Variants in NAV2 observed in about 807,000 individuals in gnomAD.
NAV2 encodes neuron navigator 2.
Under a neutral mutation model 223.2 loss-of-function variants are expected in NAV2, and 54 were observed. The ratio of observed to expected loss-of-function variants is 0.24; its 90% CI spans 0.19 to 0.30. The LOEUF is 0.30. Ranked by LOEUF, NAV2 falls within the 10% of genes least tolerant of loss-of-function variation. The probability of loss-of-function intolerance (pLI) is 1.00; values close to 1 mark genes in which losing one functional copy is unlikely to be tolerated. For missense variants in NAV2, 2,806 were observed against 3,147.5 expected, an observed-to-expected ratio of 0.89 and a Z score of 2.60; for synonymous variants, 1,279 against 1,239.3, an observed-to-expected ratio of 1.03 and a Z score of -0.67.
chr11:19,744,201 CT>C (rs2053131124), intron 1 of NAV2, among the ~76,000 whole-genome samples: 2 of 152,154 alleles, frequency 1.3e-5, no homozygotes, highest in Admixed American at 6.5e-5. Context: ...TAGGGCTTGC[CT>C]TTGTGTAGTT....
intron 1 of NAV2, among the ~76,000 whole-genome samples, chr11:19,749,990 T>C (rs1256013312): frequency 6.6e-6 from 1 of 152,214 alleles, no homozygotes. Context: ...AAAATTATAC[T>C]CTGATGTACT....
intron 6 of NAV2, among the ~76,000 whole-genome samples, chr11:19,917,860 G>A (rs920089343): frequency 6.6e-6 from 1 of 152,180 alleles, no homozygotes; most frequent in African/African-American, 2.4e-5. Context: ...CAGGTGATCC[G>A]CCTACCTTGG....
chr11:19,719,446 TA>T, intron 1 of NAV2, among the ~76,000 whole-genome samples: 1 of 152,210 alleles, frequency 6.6e-6, no homozygotes. Context: ...AGAACATCCC[TA>T]AACTTCAGTT....
rs1403049327 is a variant in NAV2, at chr11:19,702,795, A to G, written c.76-129689A>G. ...CCTGTCTCAAAATAATAATAATAAT[A>G]ATAATAATAGTAATAATAATAATAA... On this transcript the variant is annotated intron_variant, in intron 1 of 37. Transcript: ENST00000360655. Among the ~76,000 whole-genome samples, 14 of 57,330 alleles carry G rather than the reference A, an allele frequency of 2.4e-4. No individual in the cohort carries two copies. The East Asian group carries it at 5.6e-3, about 23-fold the overall frequency. The allele number at this position is 57,330 out of a possible 152,430, so 37.6% of individuals were successfully genotyped here. A position where few individuals can be genotyped will look rare whatever the true frequency, so the allele number is the denominator to read the frequency against.
rs150979061 is a variant in NAV2, at chr11:19,466,580, C to T, written c.75+115553C>T. On this transcript the variant is annotated intron_variant, in intron 1 of 37. Coordinates refer to the NAV2 transcript ENST00000360655. ...TAGAAAATTGTCCATTCACTGAGAC[C>T]GCTCTTCGACTCTTGAATGCACTGA... Among the ~76,000 whole-genome samples the T allele has an allele frequency of 1.4e-4, 22 of 152,298 alleles. No individual in the cohort carries two copies. The East Asian group carries it at 2.9e-3, about 20-fold the overall frequency.
intron 11 of NAV2, among the ~76,000 whole-genome samples, chr11:20,030,128 G>C (rs1013465468): frequency 6.6e-6 from 1 of 152,188 alleles, no homozygotes; most frequent in African/African-American, 2.4e-5. Context: ...TATTTCCCAA[G>C]GTTGTCAAAC....
At chr11:19,657,963 A>C (rs944219935) in intron 1 of NAV2, among the ~76,000 whole-genome samples, 4 of 152,178 alleles carry the variant, frequency 2.6e-5, no homozygotes, top group African/African-American at 9.7e-5. Context: ...TATTATTAAC[A>C]ATAATAATAG....
chr11:19,756,334 A>G (rs1467593361), intron 1 of NAV2, among the ~76,000 whole-genome samples: 1 of 152,252 alleles, frequency 6.6e-6, no homozygotes, highest in African/African-American at 2.4e-5. Flanking sequence ...TGTAAAGATC[A>G]TAGTTTCAAA....
chr11:19,558,371 A>G (rs2134735582), intron 1 of NAV2, among the ~76,000 whole-genome samples: 1 of 152,344 alleles, frequency 6.6e-6, no homozygotes, highest in Admixed American at 6.5e-5. Flanking sequence ...CCTCAGCTAA[A>G]GGCTGGCAGG....
chr11:19,941,288 CTG>C (rs1347407508), intron 8 of NAV2, among the ~76,000 whole-genome samples: 1 of 151,990 alleles, frequency 6.6e-6, no homozygotes, highest in Non-Finnish European at 1.5e-5. Context: ...GGGGAAGAGA[CTG>C]TGCAGCCAGT....
At chr11:19,896,926 A>T (rs2042030026) in intron 6 of NAV2, among the ~76,000 whole-genome samples, 1 of 152,204 alleles carries the variant, frequency 6.6e-6, no homozygotes, top group Admixed American at 6.5e-5. Context: ...ATAAAGACAC[A>T]TGCACACATA....
intron 1 of NAV2, among the ~76,000 whole-genome samples, chr11:19,599,198 A>C (rs1395373908): frequency 6.6e-6 from 1 of 152,168 alleles, no homozygotes; most frequent in African/African-American, 2.4e-5. Flanking sequence ...TCAAGGGAAG[A>C]TGTCACACTG....
At chr11:19,420,435 C>T (rs1032437780) in intron 1 of NAV2, among the ~76,000 whole-genome samples, 5 of 151,850 alleles carry the variant, frequency 3.3e-5, no homozygotes, top group Admixed American at 6.6e-5. Flanking sequence ...AGGTACACAC[C>T]CAAAAGAAAT....
intron 1 of NAV2, among the ~76,000 whole-genome samples, chr11:19,361,359 A>C (rs942347229): frequency 6.6e-6 from 1 of 152,066 alleles, no homozygotes; most frequent in Non-Finnish European, 1.5e-5. Context: ...CAATCCCAGC[A>C]TGTCACCTCT....
At chr11:20,056,709 C>A in intron 19 of NAV2, 1 of 885,610 alleles carries the variant, frequency 1.1e-6, no homozygotes, top group Non-Finnish European at 1.9e-6. Flanking sequence ...GGCGGCAATG[C>A]TCATTAACCA....
intron 1 of NAV2, among the ~76,000 whole-genome samples, chr11:19,423,142 C>A (rs1850686311): frequency 6.6e-6 from 1 of 152,232 alleles, no homozygotes; most frequent in South Asian, 2.1e-4. Context: ...GGGATATAGG[C>A]AACTTCATAT....
Position 19,667,137 on chromosome 11 carries a change from C to T in NAV2, c.76-165347C>T, listed in dbSNP as rs137980378. Among the ~76,000 whole-genome samples, 64 of 152,312 alleles carry T rather than the reference C, an allele frequency of 4.2e-4. 1 individual carries two copies. Among genetic ancestry groups the T allele is most frequent in the African/African-American group, 1.5e-3 (61 of 41,558 alleles). ...TGTGTGGACATAGCAATACTGTCCC[C>T]ATTGTCACTGGGTTCTCAGAGCCAG... On this transcript the variant is annotated intron_variant, in intron 1 of 37. Coordinates refer to the NAV2 transcript ENST00000360655.
At chr11:19,852,751 T>A (rs1194096836) in intron 3 of NAV2, among the ~76,000 whole-genome samples, 1 of 137,826 alleles carries the variant, frequency 7.3e-6, no homozygotes, top group African/African-American at 2.6e-5. Context: ...AAAATATCCA[T>A]ATTCTCAGCA....
At chr11:19,741,542 C>A (rs571652101) in intron 1 of NAV2, among the ~76,000 whole-genome samples, 3 of 144,742 alleles carry the variant, frequency 2.1e-5, no homozygotes, top group Non-Finnish European at 3.0e-5. Flanking sequence ...AGAGATCATG[C>A]GGTATTTTTC....
Sources: allele counts gnomAD v4.1 joint callset (sites outside exome capture counted in the v4.1 genomes callset), GRCh38; gene constraint gnomAD v4.1.1; transcripts MANE v1.5; gene names NCBI Gene and HGNC (gene_info 2026-07-23, HGNC 2026-07-21).